The following SYN3 variants were observed in gnomAD, a reference collection of about 807,000 sequenced individuals.
The protein encoded by SYN3 is synapsin-3.
A neutral mutation model predicts 65.8 loss-of-function variants in SYN3; 35 were observed. The ratio of observed to expected loss-of-function variants is 0.53; its 90% CI spans 0.41 to 0.70. The LOEUF is 0.70. Ranked by LOEUF, SYN3 falls within the 30% of genes least tolerant of loss-of-function variation. The pLI is 0.00. For missense variants in SYN3, 680 were observed against 749.0 expected (o/e 0.91, Z 1.08); for synonymous variants, 270 against 292.9 (o/e 0.92, Z 0.80).
intron 7 of SYN3, among the ~76,000 whole-genome samples, chr22:32,550,488 A>G (rs1419134087): frequency 6.6e-6 from 1 of 152,070 alleles, no homozygotes; most frequent in African/African-American, 2.4e-5. Context: ...TAATAATGGT[A>G]TTGCTATTTT....
intron 7 of SYN3, among the ~76,000 whole-genome samples, chr22:32,553,762 C>T (rs2146312629): frequency 6.6e-6 from 1 of 152,258 alleles, no homozygotes; most frequent in African/African-American, 2.4e-5. Flanking sequence ...TGAGGTGGGG[C>T]CTGGTGAACT....
Position 32,513,539 on chromosome 22 carries a change from T to A in SYN3, c.*153A>T. On this transcript the variant is annotated 3_prime_UTR_variant, in exon 14 of 14. Coordinates refer to ENST00000358763, the MANE Select transcript of SYN3 (RefSeq NM_003490.4). ...CACGGTGAAGGAAAATGGGAACAAA[T>A]ATAGATAATCGGTTCCTGGGTCAAA... 9.6e-7 allele frequency: 1 copy of A among 1,044,632 alleles called. No individual in the cohort carries two copies. The highest frequency in any genetic ancestry group is 1.4e-6 in the Non-Finnish European group (1 of 731,532). The allele number at this position is 1,044,632 out of a possible 1,614,324, so 64.7% of individuals were successfully genotyped here. A position where few individuals can be genotyped will look rare whatever the true frequency, so the allele number is the denominator to read the frequency against.
At chr22:32,747,324 A>ACAAAACAAAACAAAT (rs1286169636) in intron 6 of SYN3, among the ~76,000 whole-genome samples, 2 of 152,010 alleles carry the variant, frequency 1.3e-5, no homozygotes, top group African/African-American at 4.8e-5. Flanking sequence ...ACAAAACAAA[A>ACAAAACAAAACAAAT]CAAATCAAAA....
At chr22:32,725,761 C>T (rs555689132) in intron 6 of SYN3, among the ~76,000 whole-genome samples, 1 of 152,332 alleles carries the variant, frequency 6.6e-6, no homozygotes, top group South Asian at 2.1e-4. Context: ...CTTCTGACGT[C>T]CAAACAGGAA....
chr22:32,996,933 T>C (rs2052897928), intron 2 of SYN3, among the ~76,000 whole-genome samples: 1 of 152,134 alleles, frequency 6.6e-6, no homozygotes, highest in East Asian at 1.9e-4. Context: ...CACTGTAACA[T>C]GGAGTGCTGC....
chr22:32,885,302 G>A (rs909979952), intron 4 of SYN3, among the ~76,000 whole-genome samples: 4 of 152,294 alleles, frequency 2.6e-5, no homozygotes, highest in East Asian at 1.9e-4. Flanking sequence ...TCACAGGGCC[G>A]AGTAAATCAG....
intron 6 of SYN3, among the ~76,000 whole-genome samples, chr22:32,619,733 G>T (rs1018663124): frequency 4.6e-5 from 7 of 152,054 alleles, no homozygotes; most frequent in Admixed American, 1.3e-4. Context: ...CTTTGAATCT[G>T]GGCTGGCCTT....
At chr22:32,542,486 G>A (rs1454945685) in intron 7 of SYN3, among the ~76,000 whole-genome samples, 1 of 151,736 alleles carries the variant, frequency 6.6e-6, no homozygotes, top group African/African-American at 2.4e-5. Context: ...AGTTTGCTGT[G>A]TGTGCTGTGA....
chr22:32,788,812 C>T (rs981197601), intron 6 of SYN3, among the ~76,000 whole-genome samples: 3 of 152,146 alleles, frequency 2.0e-5, no homozygotes, highest in African/African-American at 7.2e-5. Context: ...TTGGCATTGC[C>T]ACTAGTCATT....
At chr22:32,712,322 A>C (rs951229825) in intron 6 of SYN3, among the ~76,000 whole-genome samples, 1 of 152,106 alleles carries the variant, frequency 6.6e-6, no homozygotes, top group Non-Finnish European at 1.5e-5. Flanking sequence ...TCTGTATGGA[A>C]CTTATCACTA....
chr22:32,515,010 T>G (rs534217867), intron 13 of SYN3, among the ~76,000 whole-genome samples: 15 of 150,024 alleles, frequency 1.0e-4, no homozygotes, highest in African/African-American at 3.7e-4. Context: ...TGAGACTCCA[T>G]CTCAAAAAAA....
chr22:32,879,426 C>T (rs1569298313), intron 4 of SYN3, among the ~76,000 whole-genome samples: 1 of 152,148 alleles, frequency 6.6e-6, no homozygotes, highest in Non-Finnish European at 1.5e-5. Flanking sequence ...GCTAAGAAGT[C>T]CAGGACCAAG....
chr22:32,908,091 C>CTTTTTT (rs996819198), intron 4 of SYN3, among the ~76,000 whole-genome samples: 1 of 146,100 alleles, frequency 6.8e-6, no homozygotes, highest in East Asian at 2.0e-4. Flanking sequence ...TACCTTTTTT[C>CTTTTTT]TTTTTTTTTT....
At chr22:32,713,105 T>G (rs529306832) in intron 6 of SYN3, among the ~76,000 whole-genome samples, 1 of 152,366 alleles carries the variant, frequency 6.6e-6, no homozygotes, top group South Asian at 2.1e-4. Context: ...GCTTGGTCAT[T>G]ATTTATTGAA....
intron 3 of SYN3, among the ~76,000 whole-genome samples, chr22:32,932,835 A>C (rs2146704283): frequency 6.6e-6 from 1 of 152,274 alleles, no homozygotes; most frequent in African/African-American, 2.4e-5. Context: ...GGAGGCTAGA[A>C]GTCCAAAATC....
intron 6 of SYN3, among the ~76,000 whole-genome samples, chr22:32,739,389 T>A (rs1462899883): frequency 2.0e-5 from 3 of 151,636 alleles, no homozygotes; most frequent in Non-Finnish European, 2.9e-5. Flanking sequence ...TTTTTTTTTT[T>A]TATAAATTAC....
chr22:32,522,829 C>T (rs1388000625), intron 12 of SYN3, among the ~76,000 whole-genome samples: 2 of 151,986 alleles, frequency 1.3e-5, no homozygotes, highest in Non-Finnish European at 2.9e-5. Context: ...AACTGAGGCC[C>T]CGAGAAGTAA....
intron 1 of SYN3, among the ~76,000 whole-genome samples, chr22:33,015,782 T>C (rs952115934): frequency 6.6e-6 from 1 of 152,184 alleles, no homozygotes; most frequent in African/African-American, 2.4e-5. Flanking sequence ...TTTTAGCTTA[T>C]TTTTCCATTT....
Position 32,965,809 on chromosome 22 carries a change from C to T in SYN3, c.369+14836G>A, listed in dbSNP as rs563397171. Among the ~76,000 whole-genome samples the T allele has an allele frequency of 2.6e-5, 4 of 152,298 alleles. No individual in the cohort carries two copies. In the South Asian group the frequency reaches 8.3e-4, roughly 32 times the overall value. ...TCCCGGGTTCGCGCCATTCTCCTGCCTCAGCCTCCCGAGTAGCTGGGACTA... is the reference window on the plus strand; with the variant it reads ...TCCCGGGTTCGCGCCATTCTCCTGCTTCAGCCTCCCGAGTAGCTGGGACTA... On this transcript the variant is annotated intron_variant, in intron 3 of 13. Transcript: ENST00000358763.
Sources: gnomAD v4.1 joint callset for allele counts (sites outside exome capture counted in the v4.1 genomes callset) on GRCh38, gnomAD v4.1.1 for gene constraint, MANE v1.5 for transcripts, NCBI Gene and HGNC (gene_info 2026-07-23, HGNC 2026-07-21) for gene names.